Variants in BMP8B observed in about 807,000 individuals in gnomAD.
BMP8B encodes the protein bone morphogenetic protein 8b.
Under a neutral mutation model 30.3 loss-of-function variants are expected in BMP8B, and 17 were observed. That is an observed-to-expected ratio of 0.56 (90% CI 0.38 to 0.84). The LOEUF (loss-of-function observed/expected upper bound fraction) is 0.84. Ranked by LOEUF, BMP8B falls within the 40% of genes least tolerant of loss-of-function variation. BMP8B has a pLI of 0.00. For missense variants in BMP8B, 253 were observed against 494.6 expected (o/e 0.51, Z 4.63); for synonymous variants, 131 against 214.7 (o/e 0.61, Z 3.41).
intron 1 of BMP8B, among the ~76,000 whole-genome samples, chr1:39,782,179 G>C (rs1461998020): frequency 6.7e-6 from 1 of 150,286 alleles, no homozygotes; most frequent in South Asian, 2.1e-4. Flanking sequence ...AAAAAACCTA[G>C]AGAAGGACTC....
At chr1:39,784,005 C>G (rs1391125999) in intron 1 of BMP8B, among the ~76,000 whole-genome samples, 1 of 152,218 alleles carries the variant, frequency 6.6e-6, no homozygotes, top group African/African-American at 2.4e-5. Context: ...CTGCATTTAA[C>G]GGTGGGCCAG....
rs541206345 is a variant in BMP8B at position 39,780,046 on chromosome 1, G to A, written c.335-5008C>T. On this transcript the variant is annotated intron_variant, in intron 1 of 6. Transcript: ENST00000372827. ...ACCATGTGGCCCTCTCCATAGGGCT[G>A]CTCACCTCATGGCCTCCCCCAGAAC... Among the ~76,000 whole-genome samples, 185 of 152,280 alleles carry A rather than the reference G, an allele frequency of 1.2e-3. 1 individual carries two copies. The South Asian group carries it at 0.027, about 22-fold the overall frequency.
At chr1:39,760,659 G>A (rs775736238) in intron 6 of BMP8B, 91 bp from the exon 7 acceptor site, 30 of 1,476,362 alleles carry the variant, frequency 2.0e-5, no homozygotes, top group Non-Finnish European at 2.6e-5. Context: ...CCTGCTCCCT[G>A]CCCTGGCCAT....
chr1:39,763,397 C>CCGGCCCTCCCCAGCCGGCCCTCCCCAGA (rs1294004126), intron 5 of BMP8B, among the ~76,000 whole-genome samples, 195 bp from the exon 6 acceptor site: 1 of 145,096 alleles, frequency 6.9e-6, no homozygotes, highest in Non-Finnish European at 1.5e-5. Context: ...CCCTCCCCAG[C>CCGGCCCTCCCCAGCCGGCCCTCCCCAGA]CGGCCCTCCC....
intron 6 of BMP8B, chr1:39,762,234 T>G: frequency 3.1e-6 from 1 of 318,094 alleles, no homozygotes; most frequent in Non-Finnish European, 5.8e-6. Context: ...TGTGTGTGTG[T>G]TTTAATTTTT....
intron 6 of BMP8B, 47 bp from the exon 7 acceptor site, chr1:39,760,615 C>CT (rs750956732): frequency 6.3e-7 from 1 of 1,589,200 alleles, no homozygotes; most frequent in Admixed American, 1.7e-5. Flanking sequence ...CAGTGGCCTC[C>CT]TCCAAGGACC....
chr1:39,761,750 T>C (rs1354687519), intron 6 of BMP8B, among the ~76,000 whole-genome samples: 1 of 152,052 alleles, frequency 6.6e-6, no homozygotes, highest in Non-Finnish European at 1.5e-5. Context: ...GCCCCCTCCT[T>C]CTGTGGAGAG....
intron 1 of BMP8B, among the ~76,000 whole-genome samples, chr1:39,785,888 AC>A (rs568093145): frequency 7.2e-5 from 11 of 152,304 alleles, no homozygotes; most frequent in Non-Finnish European, 1.3e-4. Flanking sequence ...TGCAGTTAGC[AC>A]AGCAGAATAA....
intron 5 of BMP8B, 33 bp downstream of exon 5, chr1:39,763,679 G>A: frequency 6.3e-7 from 1 of 1,579,188 alleles, no homozygotes; most frequent in Non-Finnish European, 8.7e-7. Context: ...GGTGGTGATT[G>A]TCATTTCAGA....
rs1003550307 is a variant in BMP8B at position 39,771,469 on chromosome 1, G to C, written c.673+2839C>G. ...GGGGGCCCCCGAGTCAGTCCTCCGT[G>C]TCCAGCGCACAGGCCCGGGCGCAGG... On this transcript the variant is annotated intron_variant, in intron 3 of 6. Transcript: ENST00000372827. The C allele has an allele frequency of 5.4e-6, 3 of 551,072 alleles. No individual in the cohort carries two copies. In the African/African-American group the frequency reaches 6.1e-5, roughly 11 times the overall value. The allele number at this position is 551,072 out of a possible 1,614,324, so 34.1% of individuals were successfully genotyped here.
At chr1:39,775,994 G>A (rs1459118735) in intron 1 of BMP8B, among the ~76,000 whole-genome samples, 24 of 152,428 alleles carry the variant, frequency 1.6e-4, no homozygotes, top group African/African-American at 5.5e-4. Flanking sequence ...ACAGGTCAGC[G>A]ATGTTGGGGA....
At chr1:39,778,828 TG>T (rs990703201) in intron 1 of BMP8B, among the ~76,000 whole-genome samples, 1 of 152,154 alleles carries the variant, frequency 6.6e-6, no homozygotes, top group Non-Finnish European at 1.5e-5. Flanking sequence ...CATCCTCTCT[TG>T]CCTATGGGAA....
Position 39,788,597 on chromosome 1 carries a change from GGGC to G in BMP8B, c.-115_-113del. 1 of 939,510 alleles carries G rather than the reference GGGC, an allele frequency of 1.1e-6. No homozygotes were observed. Among genetic ancestry groups the G allele is most frequent in the Non-Finnish European group, 1.3e-6 (1 of 788,718 alleles). The allele number at this position is 939,510 out of a possible 1,614,324, so 58.2% of individuals were successfully genotyped here. A position where few individuals can be genotyped will look rare whatever the true frequency, so the allele number is the denominator to read the frequency against. On this transcript the variant is annotated 5_prime_UTR_variant, in exon 1 of 7. Transcript: ENST00000372827. This position sits in a 1 kb window ranked among gnomAD's most constrained non-coding sequence, Gnocchi z 5.8. Reference sequence around the variant, plus strand: ...AAGGAGGCTGGGCTCGGCGGGCGGCGGGCGGCGGGGCGGGGCGGGACGGGCGGC... The same window carrying G: ...AAGGAGGCTGGGCTCGGCGGGCGGCGGGCGGGGCGGGGCGGGACGGGCGGC...
rs1457772081 is a variant in BMP8B at position 39,767,939 on chromosome 1, C to G, written c.674-3122G>C. On this transcript the variant is annotated intron_variant, in intron 3 of 6. Transcript: ENST00000372827. ...CTGCAGGGTGAGGCTCCAATGGGCC[C>G]CTGGAAAGTCTGTCCTTGACCAGTG... 5.6e-5 allele frequency among the ~76,000 whole-genome samples: 8 copies of G among 142,232 alleles called. 1 individual carries two copies. The highest frequency in any genetic ancestry group is 1.1e-4 in the Non-Finnish European group (7 of 64,672). The allele number at this position is 142,232 out of a possible 152,430, so 93.3% of individuals were successfully genotyped here.
intron 3 of BMP8B, among the ~76,000 whole-genome samples, chr1:39,772,257 G>A (rs1650016556): frequency 8.0e-6 from 1 of 125,332 alleles, no homozygotes; most frequent in Non-Finnish European, 1.7e-5. Flanking sequence ...ACTTTACTCT[G>A]GCGTCTAGAT....
chr1:39,776,647 G>A (rs539914330), intron 1 of BMP8B, among the ~76,000 whole-genome samples: 32 of 152,346 alleles, frequency 2.1e-4, no homozygotes, highest in African/African-American at 6.7e-4. Context: ...CCAGGGCGGA[G>A]AAGGAAAGAA....
In BMP8B at chr1:39,778,079, C is replaced by T. The variant is rs543825334; in HGVS notation, c.335-3041G>A. Among the ~76,000 whole-genome samples the T allele has an allele frequency of 9.1e-4, 138 of 152,382 alleles. 1 individual carries two copies. Among genetic ancestry groups the T allele is most frequent in the South Asian group, 2.3e-3 (11 of 4,832 alleles). ...CGTGGGTGGACATGGGAGGCTCGCA[C>T]GTCAACTCATCGGCCCCTGTGTTTC... On this transcript the variant is annotated intron_variant, in intron 1 of 6. Transcript: ENST00000372827.
In BMP8B at chr1:39,759,351, C is replaced by G. The variant is rs945879281; in HGVS notation, c.*1068G>C. ...ATGGCCCCTGGCCTCGCCCCAGACC[C>G]GGTCACAGGCTGCCCATGTTGCCGA... On this transcript the variant is annotated 3_prime_UTR_variant, in exon 7 of 7. Coordinates refer to ENST00000372827, the MANE Select transcript of BMP8B (RefSeq NM_001720.5). 1 of 152,320 alleles carries G rather than the reference C, an allele frequency of 6.6e-6. No homozygotes were observed. The highest frequency in any genetic ancestry group is 1.5e-5 in the Non-Finnish European group (1 of 68,092). 9.4% of individuals were successfully genotyped at this position (152,320 alleles called of 1,614,324 possible).
chr1:39,759,985 A>G lies in BMP8B; in HGVS notation c.*434T>C. On this transcript the variant is annotated 3_prime_UTR_variant, in exon 7 of 7. Coordinates refer to ENST00000372827, the MANE Select transcript of BMP8B (RefSeq NM_001720.5). ...GGAGCCAACCAGACCCTGACTACAC[A>G]CACCACACCCTGTGATGGATGGTGA... 1 of 199,136 alleles carries G rather than the reference A, an allele frequency of 5.0e-6. No individual in the cohort carries two copies. Among genetic ancestry groups the G allele is most frequent in the Non-Finnish European group, 1.0e-5 (1 of 96,952 alleles). 12.3% of individuals were successfully genotyped at this position (199,136 alleles called of 1,614,324 possible).
Sources: gnomAD v4.1 joint callset for allele counts (sites outside exome capture counted in the v4.1 genomes callset) on GRCh38, gnomAD v4.1.1 for gene constraint, Gnocchi (gnomAD v3.1) non-coding constraint, MANE v1.5 for transcripts, NCBI Gene and HGNC (gene_info 2026-07-23, HGNC 2026-07-21) for gene names.